The following ZNF652 variants were observed in gnomAD, a reference collection of about 807,000 sequenced individuals.
The protein encoded by ZNF652 is zinc finger protein 652.
A neutral mutation model predicts 45.2 loss-of-function variants in ZNF652; 16 were observed. That is an observed-to-expected ratio of 0.35 (90% confidence interval 0.24 to 0.54). The LOEUF is 0.54. Among genes scored for constraint, ZNF652 ranks in the 20% least tolerant of loss-of-function variants. The probability of loss-of-function intolerance (pLI) is 0.91; values close to 1 mark genes in which losing one functional copy is unlikely to be tolerated. For synonymous variants in ZNF652, 250 were observed against 260.6 expected, an observed-to-expected ratio of 0.96 and a Z score of 0.39; for missense variants, 614 against 765.6, an observed-to-expected ratio of 0.80 and a Z score of 2.34.
intron 5 of ZNF652, among the ~76,000 whole-genome samples, chr17:49,310,574 A>T (rs2069695733): frequency 6.6e-6 from 1 of 152,192 alleles, no homozygotes; most frequent in Non-Finnish European, 1.5e-5. Flanking sequence ...AAAAGTAGTG[A>T]ATCTTGGTAA....
At chr17:49,357,340 C>T (rs1213579973) in intron 1 of ZNF652, among the ~76,000 whole-genome samples, 2 of 151,926 alleles carry the variant, frequency 1.3e-5, no homozygotes, top group African/African-American at 2.4e-5. Context: ...CATAAAGCTG[C>T]CTTTCTGGCT....
chr17:49,324,394 A>AT (rs1401441528), intron 1 of ZNF652, among the ~76,000 whole-genome samples: 45 of 149,790 alleles, frequency 3.0e-4, no homozygotes, highest in African/African-American at 1.0e-3. Flanking sequence ...CGCCTTTTTT[A>AT]TTTTATTTTT....
intron 1 of ZNF652, among the ~76,000 whole-genome samples, chr17:49,340,491 G>T (rs1483818203): frequency 6.7e-6 from 1 of 148,156 alleles, no homozygotes; most frequent in Non-Finnish European, 1.5e-5. Flanking sequence ...GGGAGGCAGA[G>T]GTTGCAGTGA....
intron 5 of ZNF652, among the ~76,000 whole-genome samples, chr17:49,300,057 T>C (rs1418004126): frequency 6.6e-6 from 1 of 152,184 alleles, no homozygotes; most frequent in African/African-American, 2.4e-5. Context: ...AAGAAGTCTC[T>C]TCCTGTCTAT....
At chr17:49,340,345 C>G (rs1408014902) in intron 1 of ZNF652, among the ~76,000 whole-genome samples, 1 of 151,902 alleles carries the variant, frequency 6.6e-6, no homozygotes, top group East Asian at 1.9e-4. Flanking sequence ...CACTGGAGGT[C>G]AGGAGTTTGA....
chr17:49,321,410 CCCA>C (rs1357836824), intron 1 of ZNF652, among the ~76,000 whole-genome samples: 1 of 148,500 alleles, frequency 6.7e-6, no homozygotes, highest in Non-Finnish European at 1.5e-5. Context: ...ACTACCGGCG[CCCA>C]CCACCACGCT....
chr17:49,306,906 C>T (rs2069637122), intron 5 of ZNF652, among the ~76,000 whole-genome samples: 1 of 151,970 alleles, frequency 6.6e-6, no homozygotes, highest in African/African-American at 2.4e-5. Context: ...GCATGCGCCA[C>T]CACACTTGGC....
intron 1 of ZNF652, among the ~76,000 whole-genome samples, chr17:49,360,305 C>G (rs1454621760): frequency 6.6e-6 from 1 of 152,144 alleles, no homozygotes; most frequent in African/African-American, 2.4e-5. Context: ...GTTCCTTTCA[C>G]TTTTGCATAA....
chr17:49,349,771 A>G (rs1276804271), intron 1 of ZNF652, among the ~76,000 whole-genome samples: 1 of 152,174 alleles, frequency 6.6e-6, no homozygotes, highest in Non-Finnish European at 1.5e-5. Flanking sequence ...GTGATAAATC[A>G]TGTTTCTGCA....
intron 1 of ZNF652, among the ~76,000 whole-genome samples, chr17:49,356,830 G>C (rs1012434927): frequency 6.6e-6 from 1 of 152,006 alleles, no homozygotes; most frequent in African/African-American, 2.4e-5. Context: ...AACTCTTGTG[G>C]GCTCACAGAC....
chr17:49,350,967 C>CTACATATACATA (rs1369032678), intron 1 of ZNF652, among the ~76,000 whole-genome samples: 5 of 53,156 alleles, frequency 9.4e-5, no homozygotes, highest in East Asian at 5.3e-4. Flanking sequence ...AAGACTCTGT[C>CTACATATACATA]TACATATATA....
chr17:49,362,295 C>G (rs968865886), upstream of ZNF652: 13 of 150,918 alleles, frequency 8.6e-5, no homozygotes, highest in African/African-American at 2.9e-4. Context: ...GGCCCCTTCC[C>G]TCGCTGGCCC....
At chr17:49,302,351 C>T (rs1485397943) in intron 5 of ZNF652, among the ~76,000 whole-genome samples, 2 of 147,320 alleles carry the variant, frequency 1.4e-5, no homozygotes, top group Admixed American at 1.4e-4. Flanking sequence ...TGCAGTGGTG[C>T]AATCTCGGCT....
chr17:49,308,779 G>A (rs1480791738), intron 5 of ZNF652, among the ~76,000 whole-genome samples: 1 of 151,026 alleles, frequency 6.6e-6, no homozygotes, highest in Non-Finnish European at 1.5e-5. Flanking sequence ...TCCAGCCTGG[G>A]TGACAGAGCA....
chr17:49,317,959 T>C lies in ZNF652; in HGVS notation c.-234A>G. 1 of 415,096 alleles carries C rather than the reference T, an allele frequency of 2.4e-6. No individual in the cohort carries two copies. The highest frequency in any genetic ancestry group is 4.2e-6 in the Non-Finnish European group (1 of 237,368). 25.7% of individuals were successfully genotyped at this position (415,096 alleles called of 1,614,324 possible). A position where few individuals can be genotyped will look rare whatever the true frequency, so the allele number is the denominator to read the frequency against. On this transcript the variant is annotated 5_prime_UTR_variant, in exon 2 of 6. Transcript: ENST00000430262. ...TAGTGATTTTTCTTCTGAAGAGAGCTGCAAGGGACTTGGGAGCATCTTATC... is the reference window on the plus strand; with the variant it reads ...TAGTGATTTTTCTTCTGAAGAGAGCCGCAAGGGACTTGGGAGCATCTTATC...
At chr17:49,300,197 A>G (rs1164672813) in intron 5 of ZNF652, among the ~76,000 whole-genome samples, 2 of 152,162 alleles carry the variant, frequency 1.3e-5, no homozygotes, top group Non-Finnish European at 2.9e-5. Context: ...TCTGCAGACA[A>G]TTCCTCATTA....
chr17:49,334,779 C>CAAA (rs5820756), intron 1 of ZNF652, among the ~76,000 whole-genome samples: 2 of 115,670 alleles, frequency 1.7e-5, no homozygotes, highest in South Asian at 2.6e-4. Flanking sequence ...ACTCGATCTC[C>CAAA]AAAAAAAAAA....
intron 1 of ZNF652, among the ~76,000 whole-genome samples, chr17:49,335,847 C>T (rs1385274993): frequency 6.6e-6 from 1 of 152,144 alleles, no homozygotes; most frequent in African/African-American, 2.4e-5. Context: ...AAACACAACA[C>T]AGAGTCCACC....
In ZNF652 at chr17:49,350,999, A is replaced by C. The variant is rs1306147012; in HGVS notation, c.-259+10910T>G. On this transcript the variant is annotated intron_variant, in intron 1 of 5. Coordinates refer to ENST00000430262, the MANE Select transcript of ZNF652 (RefSeq NM_001145365.3). ...TATATATATATATATATATATATAT[A>C]TATATATATATATATACACACACAC... 3.3e-3 allele frequency among the ~76,000 whole-genome samples: 70 copies of C among 21,180 alleles called. 1 individual carries two copies. Among genetic ancestry groups the C allele is most frequent in the African/African-American group, 0.014 (62 of 4,448 alleles). The allele number at this position is 21,180 out of a possible 152,430, so 13.9% of individuals were successfully genotyped here.
Sources: gnomAD v4.1 joint callset for allele counts (sites outside exome capture counted in the v4.1 genomes callset) on GRCh38, gnomAD v4.1.1 for gene constraint, MANE v1.5 for transcripts, NCBI Gene and HGNC (gene_info 2026-07-23, HGNC 2026-07-21) for gene names.